Variants in MYOF observed in about 807,000 individuals in gnomAD.
MYOF encodes the protein fer-1-like 3, myoferlin.
MYOF carries 244 observed loss-of-function variants against 284.2 expected under a neutral mutation model. The ratio of observed to expected loss-of-function variants is 0.86; its 90% CI spans 0.77 to 0.95. MYOF has a LOEUF of 0.95. Ranked by LOEUF, MYOF falls within the 40% of genes least tolerant of loss-of-function variation. MYOF has a pLI of 0.00. For missense variants in MYOF, 2,496 were observed against 2,560.6 expected (o/e 0.97, Z 0.54); for synonymous variants, 904 against 919.7 (o/e 0.98, Z 0.31).
intron 12 of MYOF, among the ~76,000 whole-genome samples, chr10:93,400,006 A>G (rs113412342): frequency 0.066 from 10,023 of 152,306 alleles, 402 homozygotes; most frequent in African/African-American, 0.091. Flanking sequence ...CCTCCAGCCT[A>G]GGTGACAGAG....
chr10:93,401,740 T>C (rs540604290), intron 11 of MYOF, among the ~76,000 whole-genome samples, 196 bp from the exon 12 acceptor site: 1 of 152,096 alleles, frequency 6.6e-6, no homozygotes, highest in Non-Finnish European at 1.5e-5. Flanking sequence ...TCAATGCTCA[T>C]GTTTTTGTAT....
At chr10:93,444,300 G>C (rs895159211) in intron 3 of MYOF, among the ~76,000 whole-genome samples, 14 of 152,216 alleles carry the variant, frequency 9.2e-5, no homozygotes, top group African/African-American at 3.4e-4. Context: ...CAGGCACTGT[G>C]CTAAGTGCTG....
In MYOF at chr10:93,422,412, G is replaced by C. The variant is rs73321718; in HGVS notation, c.433+3659C>G. ...CTCCTTCAGTCTACTGTCCTGCTGGGAGCACTGGTGCTACAAACAAAGGCT... is the reference window on the plus strand; with the variant it reads ...CTCCTTCAGTCTACTGTCCTGCTGGCAGCACTGGTGCTACAAACAAAGGCT... On this transcript the variant is annotated intron_variant, in intron 5 of 53. Transcript: ENST00000359263. Among the ~76,000 whole-genome samples the C allele has an allele frequency of 4.7e-3, 715 of 152,322 alleles. 4 individuals are homozygous for C. The highest frequency in any genetic ancestry group is 0.024 in the Middle Eastern group (7 of 294).
chr10:93,369,795 C>T lies in MYOF; in HGVS notation c.2458-19G>A, dbSNP rs916481266. ...GTGGATACTGTGAGATGAACAATAG[C>T]ATGTGATGTTACATTAGGCACAGCA... On this transcript the variant is annotated intron_variant, in intron 24 of 53. Coordinates refer to ENST00000359263, the MANE Select transcript of MYOF (RefSeq NM_013451.4). 5.6e-6 allele frequency: 9 copies of T among 1,613,904 alleles called. No homozygotes were observed. The highest frequency in any genetic ancestry group is 7.6e-6 in the Non-Finnish European group (9 of 1,179,922).
Position 93,427,216 on chromosome 10 carries a change from AC to A in MYOF, c.346-1059del, listed in dbSNP as rs200583285. Among the ~76,000 whole-genome samples the A allele has an allele frequency of 3.2e-3, 448 of 138,904 alleles. 1 individual carries two copies. The highest frequency in any genetic ancestry group is 0.012 in the African/African-American group (429 of 36,044). The allele number at this position is 138,904 out of a possible 152,430, so 91.1% of individuals were successfully genotyped here. On this transcript the variant is annotated intron_variant, in intron 4 of 53. Coordinates refer to ENST00000359263, the MANE Select transcript of MYOF (RefSeq NM_013451.4). ...CTGTCTTAAAACAAAACAAAACAAA[AC>A]AAAAAAAAACAGAGAGAACTTTAAG...
rs528073873 is a variant in MYOF at position 93,375,167 on chromosome 10, A to G, written c.2109-212T>C. Among the ~76,000 whole-genome samples, 44 of 152,364 alleles carry G rather than the reference A, an allele frequency of 2.9e-4. 1 individual carries two copies. The highest frequency in any genetic ancestry group is 1.0e-3 in the African/African-American group (42 of 41,588). On this transcript the variant is annotated intron_variant, in intron 22 of 53. Transcript: ENST00000359263. Reference sequence around the variant, plus strand: ...GCCGGTCTCTTGATGTTCATAAGGAATACAGGGAGATTAAAATCCCAAAGC... The same window carrying G: ...GCCGGTCTCTTGATGTTCATAAGGAGTACAGGGAGATTAAAATCCCAAAGC...
At chr10:93,429,519 T>C (rs1331606036) in intron 4 of MYOF, among the ~76,000 whole-genome samples, 4 of 152,216 alleles carry the variant, frequency 2.6e-5, no homozygotes, top group Admixed American at 2.6e-4. Context: ...ACTTATACCA[T>C]CTTTCCTCAG....
intron 16 of MYOF, among the ~76,000 whole-genome samples, chr10:93,394,448 C>CTTTTGTTTTTTTTTTTTT (rs1846872614): frequency 7.0e-5 from 2 of 28,682 alleles, no homozygotes; most frequent in Non-Finnish European, 6.5e-5. Context: ...ACCATCTTGT[C>CTTTTGTTTTTTTTTTTTT]TTTTTTTTTT....
intron 17 of MYOF, among the ~76,000 whole-genome samples, chr10:93,389,917 A>G (rs771530674): frequency 3.9e-5 from 6 of 152,238 alleles, no homozygotes; most frequent in Non-Finnish European, 7.3e-5. Context: ...TGTCTCCAGA[A>G]GCAGAGTAAG....
chr10:93,441,822 C>A (rs1269665029), intron 3 of MYOF, among the ~76,000 whole-genome samples: 2 of 152,090 alleles, frequency 1.3e-5, no homozygotes, highest in Non-Finnish European at 2.9e-5. Flanking sequence ...CTCGGCCTCC[C>A]AAAGTGCTAG....
chr10:93,469,116 T>C (rs1048526842), intron 1 of MYOF, among the ~76,000 whole-genome samples: 1 of 152,186 alleles, frequency 6.6e-6, no homozygotes, highest in Non-Finnish European at 1.5e-5. Context: ...ATTATACCCA[T>C]GAGCCAGGTA....
At chr10:93,321,361 T>C (rs578217641) in intron 48 of MYOF, among the ~76,000 whole-genome samples, 205 of 151,874 alleles carry the variant, frequency 1.3e-3, no homozygotes, top group African/African-American at 4.8e-3. Flanking sequence ...TTTTTGCTAG[T>C]CAATTAACTG....
intron 5 of MYOF, among the ~76,000 whole-genome samples, chr10:93,414,335 A>G (rs971688582): frequency 2.0e-5 from 3 of 151,938 alleles, no homozygotes; most frequent in Admixed American, 6.6e-5. Flanking sequence ...CCAGGAGTTC[A>G]AGACCAGCCT....
chr10:93,359,843 C>G lies in MYOF; in HGVS notation c.3110G>C (p.Ser1037Thr), dbSNP rs754676508. 18 of 1,614,080 alleles carry G rather than the reference C, an allele frequency of 1.1e-5. No individual in the cohort carries two copies. In the East Asian group the frequency reaches 4.0e-4, roughly 36 times the overall value. The stretch of plus-strand genomic sequence containing the variant: ...CCTTGCTTCTCTTACCCTTGCGGTG[C>G]TTGAAGCAGTCTGTGTTAAATCTTT... The part of the protein sequence containing the change: ...RKKDLTQTAS[S>T]TARAMEELQD... Residue 1037 changes from serine (S) to threonine (T), a missense_variant, in exon 29 of 54, where the codon AGC becomes ACC. This residue lies in a region of MYOF where 2,436 missense variants were observed against 2,480.7 expected (regional missense o/e 0.98). Coordinates refer to ENST00000359263, the MANE Select transcript of MYOF (RefSeq NM_013451.4).
chr10:93,482,023 TA>T (rs1236373144), intron 1 of MYOF, 83 bp downstream of exon 1: 3 of 1,340,110 alleles, frequency 2.2e-6, no homozygotes, highest in Non-Finnish European at 3.2e-6. Flanking sequence ...ATCAGCTGTC[TA>T]AATGCAGACT....
chr10:93,309,843 G>T (rs1282285132), intron 53 of MYOF, among the ~76,000 whole-genome samples, 177 bp downstream of exon 53: 1 of 152,184 alleles, frequency 6.6e-6, no homozygotes, highest in African/African-American at 2.4e-5. Context: ...GAAACCCTGA[G>T]AATGTGATTC....
In MYOF at chr10:93,426,109, G is replaced by T; in HGVS notation, c.395C>A (p.Pro132Gln). The T allele has an allele frequency of 6.4e-7, 1 of 1,561,566 alleles. No homozygotes were observed. The change falls in exon 5 of 54, where the codon CCA becomes CAA. Residue 132 changes from proline (P) to glutamine (Q), a missense_variant. This residue lies in a region of MYOF where 2,436 missense variants were observed against 2,480.7 expected (regional missense o/e 0.98). Transcript: ENST00000359263. ...IGYDPPSAPH[P>Q]NDLSGPSVPG... is the part of the protein sequence containing the mutation. ...CACGCTGGGCCCGCTCAGGTCATTT[G>T]GATGTGGAGCAGAAGGCGGATCATA...
At chr10:93,394,594 G>T (rs183600873) in intron 16 of MYOF, among the ~76,000 whole-genome samples, 2,065 of 150,852 alleles carry the variant, frequency 0.014, 24 homozygotes, top group Middle Eastern at 0.028. Flanking sequence ...CAGAGTAGCT[G>T]GGACTACATG....
intron 27 of MYOF, 21 bp downstream of exon 27, chr10:93,363,940 T>G: frequency 6.2e-7 from 1 of 1,609,104 alleles, no homozygotes; most frequent in Non-Finnish European, 8.5e-7. Flanking sequence ...TGAGAGTTTC[T>G]CTCCGGAGCA....
Sources: gnomAD v4.1 joint callset for allele counts (sites outside exome capture counted in the v4.1 genomes callset) on GRCh38, gnomAD v4.1.1 for gene constraint, gnomAD v4.1.1 regional missense constraint, MANE v1.5 for transcripts, NCBI Gene and HGNC (gene_info 2026-07-23, HGNC 2026-07-21) for gene names.